The following ANO6 variants were observed in gnomAD, a reference collection of about 807,000 sequenced individuals.
ANO6 encodes the protein anoctamin 6.
Under a neutral mutation model 117.5 loss-of-function variants are expected in ANO6, and 106 were observed. The ratio of observed to expected loss-of-function variants is 0.90; its 90% CI spans 0.77 to 1.06. ANO6 has a LOEUF of 1.06. Among genes scored for constraint, ANO6 ranks in the 50% least tolerant of loss-of-function variants. The pLI is 0.00. For synonymous variants in ANO6, 367 were observed against 385.1 expected, an observed-to-expected ratio of 0.95 and a Z score of 0.55; for missense variants, 955 against 1,121.1, an observed-to-expected ratio of 0.85 and a Z score of 2.12.
chr12:45,216,518 A>G (rs1486888288), intron 1 of ANO6, 127 bp downstream of exon 1: 1 of 1,066,506 alleles, frequency 9.4e-7, no homozygotes, highest in Middle Eastern at 2.9e-4. Context: ...CGCTCCGGGC[A>G]GGGGAGGAAG....
At chr12:45,401,714 T>C in intron 12 of ANO6, 81 bp from the exon 13 acceptor site, 1 of 1,106,676 alleles carries the variant, frequency 9.0e-7, no homozygotes, top group South Asian at 1.3e-5. Flanking sequence ...ACACACACCT[T>C]GTTAAGTGTG....
chr12:45,368,897 G>A (rs59030619), intron 9 of ANO6, among the ~76,000 whole-genome samples: 2,033 of 152,264 alleles, frequency 0.013, 40 homozygotes, highest in African/African-American at 0.047. Context: ...GACAGAACAG[G>A]CATTATCTCC....
chr12:45,302,169 T>C (rs1161365687), intron 2 of ANO6, 76 bp downstream of exon 2: 22 of 1,341,648 alleles, frequency 1.6e-5, no homozygotes, highest in Non-Finnish European at 2.4e-5. Flanking sequence ...AAAAGTTCTT[T>C]TATGAATTCA....
downstream of ANO6, among the ~76,000 whole-genome samples, chr12:45,436,295 C>T (rs1206545092): frequency 6.6e-6 from 1 of 152,214 alleles, no homozygotes; most frequent in African/African-American, 2.4e-5. Context: ...CTCTGCCTGC[C>T]TTTGAGTCTC....
At chr12:45,383,044 T>G (rs1011896493) in intron 10 of ANO6, among the ~76,000 whole-genome samples, 1 of 152,214 alleles carries the variant, frequency 6.6e-6, no homozygotes, top group Non-Finnish European at 1.5e-5. Context: ...ATAGTAGAAC[T>G]TCTTTGAAAA....
intron 1 of ANO6, among the ~76,000 whole-genome samples, chr12:45,248,549 T>G (rs7977772): frequency 0.057 from 8,541 of 150,182 alleles, 781 homozygotes; most frequent in African/African-American, 0.19. Flanking sequence ...TTCTCCTGCC[T>G]CAGCCTCCTG....
intron 1 of ANO6, among the ~76,000 whole-genome samples, chr12:45,234,791 TC>T: frequency 6.8e-6 from 1 of 147,316 alleles, no homozygotes; most frequent in Non-Finnish European, 1.5e-5. Context: ...TGGAACCAAT[TC>T]TGACTCCAGG....
chr12:45,413,899 TA>T (rs1474897520), intron 16 of ANO6, among the ~76,000 whole-genome samples: 1 of 152,086 alleles, frequency 6.6e-6, no homozygotes, highest in African/African-American at 2.4e-5. Flanking sequence ...TTTGACTTTT[TA>T]AAACTAAGTA....
At chr12:45,428,516 G>A (rs748009532) in intron 19 of ANO6, among the ~76,000 whole-genome samples, 4 of 152,148 alleles carry the variant, frequency 2.6e-5, no homozygotes, top group South Asian at 2.1e-4. Context: ...AGGAGTAGGA[G>A]GCTTCAGTGA....
chr12:45,257,849 A>T (rs1937890470), intron 1 of ANO6, among the ~76,000 whole-genome samples: 1 of 152,250 alleles, frequency 6.6e-6, no homozygotes, highest in Non-Finnish European at 1.5e-5. Flanking sequence ...AAACTTTGCG[A>T]AGATTATAAA....
At chr12:45,333,343 A>G (rs1424295957) in intron 3 of ANO6, among the ~76,000 whole-genome samples, 1 of 152,058 alleles carries the variant, frequency 6.6e-6, no homozygotes, top group Admixed American at 6.6e-5. Flanking sequence ...GGACACTAAG[A>G]TATTTTATGC....
At chr12:45,310,428 G>C (rs1263139510) in intron 2 of ANO6, among the ~76,000 whole-genome samples, 1 of 152,074 alleles carries the variant, frequency 6.6e-6, no homozygotes, top group Non-Finnish European at 1.5e-5. Context: ...GTCAAGGCTT[G>C]TGAAAAAATG....
intron 12 of ANO6, among the ~76,000 whole-genome samples, chr12:45,395,050 G>A (rs1374006278): frequency 2.0e-5 from 3 of 152,096 alleles, no homozygotes; most frequent in African/African-American, 7.2e-5. Flanking sequence ...GTGAATCCAG[G>A]AGCTGGTTTT....
At chr12:45,321,001 C>T (rs1453214832) in intron 2 of ANO6, among the ~76,000 whole-genome samples, 1 of 151,736 alleles carries the variant, frequency 6.6e-6, no homozygotes, top group East Asian at 1.9e-4. Context: ...TTATTTTGAG[C>T]CTATGTGTGT....
intron 8 of ANO6, among the ~76,000 whole-genome samples, chr12:45,362,945 AAT>A (rs1245858423): frequency 1.3e-5 from 2 of 152,166 alleles, no homozygotes; most frequent in Admixed American, 6.5e-5. Context: ...GACATACAAA[AAT>A]ATACTACTTT....
At chr12:45,300,909 G>A (rs892777865) in intron 1 of ANO6, among the ~76,000 whole-genome samples, 4 of 152,292 alleles carry the variant, frequency 2.6e-5, no homozygotes, top group Non-Finnish European at 4.4e-5. Flanking sequence ...GGAACAATTC[G>A]TTTTATTCAT....
chr12:45,260,229 C>T (rs1937979396), intron 1 of ANO6, among the ~76,000 whole-genome samples: 1 of 152,214 alleles, frequency 6.6e-6, no homozygotes, highest in Non-Finnish European at 1.5e-5. Flanking sequence ...TCAGCCTGTA[C>T]AAAGGTAACC....
At chr12:45,410,867 C>T (rs1943069056) in intron 16 of ANO6, among the ~76,000 whole-genome samples, 1 of 152,128 alleles carries the variant, frequency 6.6e-6, no homozygotes, top group Non-Finnish European at 1.5e-5. Context: ...GTAAAAGGTT[C>T]ATCTTGTGGC....
At chr12:45,323,456 T>G (rs1940348413) in intron 2 of ANO6, among the ~76,000 whole-genome samples, 1 of 152,198 alleles carries the variant, frequency 6.6e-6, no homozygotes, top group East Asian at 1.9e-4. Context: ...TTCTGATGAT[T>G]ATGAGCTATG....
Sources: allele counts gnomAD v4.1 joint callset (sites outside exome capture counted in the v4.1 genomes callset), GRCh38; gene constraint gnomAD v4.1.1; transcripts MANE v1.5; gene names NCBI Gene and HGNC (gene_info 2026-07-23, HGNC 2026-07-21).